Variants in ABCC4 observed in about 807,000 individuals in gnomAD.
ABCC4 encodes the protein ATP binding cassette subfamily C member 4 (PEL blood group).
Under a neutral mutation model 168.5 loss-of-function variants are expected in ABCC4, and 102 were observed. The observed-to-expected ratio is 0.61, with a 90% CI of 0.52 to 0.71. The LOEUF (loss-of-function observed/expected upper bound fraction) is 0.71. Among genes scored for constraint, ABCC4 ranks in the 30% least tolerant of loss-of-function variants. ABCC4 has a pLI of 0.00. For missense variants in ABCC4, 1,402 were observed against 1,605.8 expected, an observed-to-expected ratio of 0.87 and a Z score of 2.17; for synonymous variants, 617 against 590.7, an observed-to-expected ratio of 1.04 and a Z score of -0.65.
chr13:95,128,157 G>C (rs554319427), intron 19 of ABCC4, among the ~76,000 whole-genome samples: 1 of 152,090 alleles, frequency 6.6e-6, no homozygotes, highest in African/African-American at 2.4e-5. Context: ...AACTTAATCA[G>C]AATACACACT....
chr13:95,088,812 A>G (rs2034339022), intron 20 of ABCC4, among the ~76,000 whole-genome samples: 4 of 152,202 alleles, frequency 2.6e-5, no homozygotes, highest in African/African-American at 7.2e-5. Context: ...AATGAGTAGC[A>G]TATTAAATTA....
chr13:95,115,013 A>C (rs898528152), intron 20 of ABCC4, among the ~76,000 whole-genome samples: 5 of 152,224 alleles, frequency 3.3e-5, no homozygotes, highest in Non-Finnish European at 7.3e-5. Flanking sequence ...AGTGTTAGCA[A>C]CAGCAGCTGA....
intron 25 of ABCC4, among the ~76,000 whole-genome samples, chr13:95,069,249 C>T (rs139237273): frequency 1.4e-4 from 22 of 152,282 alleles, no homozygotes; most frequent in African/African-American, 5.3e-4. Flanking sequence ...GCATATCCCT[C>T]ACTCTCACAG....
intron 22 of ABCC4, among the ~76,000 whole-genome samples, chr13:95,074,756 G>A (rs1027148528): frequency 3.3e-5 from 5 of 152,098 alleles, no homozygotes; most frequent in Non-Finnish European, 4.4e-5. Context: ...ACTGACTATT[G>A]CTTAGGGGCT....
At chr13:95,219,865 T>C (rs2138709904) in intron 4 of ABCC4, among the ~76,000 whole-genome samples, 1 of 150,552 alleles carries the variant, frequency 6.6e-6, no homozygotes, top group South Asian at 2.1e-4. Flanking sequence ...TCTGCTTTTT[T>C]TTTCCCCCCG....
chr13:95,139,725 C>T (rs1218411559), intron 19 of ABCC4, among the ~76,000 whole-genome samples: 1 of 152,132 alleles, frequency 6.6e-6, no homozygotes, highest in African/African-American at 2.4e-5. Context: ...TTAACCATCC[C>T]AGAGTCATAT....
intron 1 of ABCC4, among the ~76,000 whole-genome samples, chr13:95,275,828 G>A (rs1455412718): frequency 6.6e-6 from 1 of 151,594 alleles, no homozygotes; most frequent in Non-Finnish European, 1.5e-5. Context: ...TAACCTTTAT[G>A]CCTGTTATTC....
At chr13:95,093,843 G>C (rs888289568) in intron 20 of ABCC4, among the ~76,000 whole-genome samples, 1 of 152,120 alleles carries the variant, frequency 6.6e-6, no homozygotes, top group African/African-American at 2.4e-5. Context: ...TAAGATTAAT[G>C]TACACAAATC....
chr13:95,247,053 C>T lies in ABCC4; in HGVS notation c.228G>A (p.Gln76=). The part of the protein sequence containing the change: ...KEVLRAENDA[Q]KPSLTRAIIK... ...TGATTGCTCTTGTTAAAGAAGGCTTCTGTGCGTCATTCTCAGCTCTTAAAA... is the reference window on the plus strand; with the variant it reads ...TGATTGCTCTTGTTAAAGAAGGCTTTTGTGCGTCATTCTCAGCTCTTAAAA... The change falls in exon 3 of 31, where the codon CAG becomes CAA. Residue 76 remains glutamine (Q), a synonymous_variant. Transcript: ENST00000645237. 2 of 1,613,456 alleles carry T rather than the reference C, an allele frequency of 1.2e-6. No individual in the cohort carries two copies. Among genetic ancestry groups the T allele is most frequent in the Non-Finnish European group, 1.7e-6 (2 of 1,179,388 alleles).
rs2041676313 is a variant in ABCC4 at position 95,301,308 on chromosome 13, G to A, written c.7C>T (p.Pro3Ser). 3.8e-6 allele frequency: 6 copies of A among 1,591,662 alleles called. No individual in the cohort carries two copies. Among genetic ancestry groups the A allele is most frequent in the Non-Finnish European group, 5.1e-6 (6 of 1,170,214 alleles). Residue 3 changes from proline (P) to serine (S), a missense_variant, in exon 1 of 31, where the codon CCC becomes TCC. This residue lies in a region of ABCC4 where 317 missense variants were observed against 345.5 expected (regional missense o/e 0.92). Transcript: ENST00000645237. Reference protein sequence around the residue: MLPVYQEVKPNPL... With the variant: MLSVYQEVKPNPL... ...TTGGGCTTCACCTCCTGGTACACGG[G>A]CAGCATCTTGCCGGGCGGGGCGGGC...
chr13:95,138,914 C>T (rs1182372005), intron 19 of ABCC4, among the ~76,000 whole-genome samples: 3 of 152,242 alleles, frequency 2.0e-5, no homozygotes, highest in Admixed American at 6.5e-5. Flanking sequence ...TTTCCCTTAC[C>T]TCCAGGGCTG....
intron 30 of ABCC4, among the ~76,000 whole-genome samples, chr13:95,022,227 G>A (rs2031131928): frequency 6.6e-6 from 1 of 152,164 alleles, no homozygotes; most frequent in Non-Finnish European, 1.5e-5. Flanking sequence ...GTGGTCTGTG[G>A]ATAGTGGCCC....
intron 19 of ABCC4, among the ~76,000 whole-genome samples, chr13:95,157,824 C>A (rs925027759): frequency 6.6e-5 from 10 of 151,966 alleles, no homozygotes; most frequent in African/African-American, 2.4e-4. Flanking sequence ...TAATCCCCAC[C>A]ACTTTGGGAG....
At chr13:95,171,048 C>T (rs190445593) in intron 13 of ABCC4, among the ~76,000 whole-genome samples, 3 of 149,876 alleles carry the variant, frequency 2.0e-5, no homozygotes, top group East Asian at 2.0e-4. Flanking sequence ...CACATATCAA[C>T]GCCCCCCCTC....
intron 1 of ABCC4, among the ~76,000 whole-genome samples, chr13:95,274,311 T>TGTC (rs1473152035): frequency 2.0e-5 from 3 of 152,166 alleles, no homozygotes; most frequent in Non-Finnish European, 4.4e-5. Flanking sequence ...GGGGAGAGAC[T>TGTC]GTCCTTCCCA....
At chr13:95,066,668 C>T (rs1235496493) in intron 25 of ABCC4, among the ~76,000 whole-genome samples, 3 of 152,260 alleles carry the variant, frequency 2.0e-5, no homozygotes, top group Admixed American at 6.5e-5. Context: ...AAAATCGAGG[C>T]TTAGTAAGAT....
chr13:95,163,529 C>T (rs1227910633), intron 17 of ABCC4, 81 bp downstream of exon 17: 3 of 1,268,650 alleles, frequency 2.4e-6, no homozygotes, highest in Non-Finnish European at 3.4e-6. Context: ...GATCAACAAA[C>T]ACCTCCCTCT....
intron 4 of ABCC4, among the ~76,000 whole-genome samples, chr13:95,211,689 C>T (rs980099418): frequency 6.6e-6 from 1 of 151,796 alleles, no homozygotes; most frequent in Non-Finnish European, 1.5e-5. Context: ...TGGAACAGTA[C>T]GTGTGGTTTT....
At chr13:95,064,250 GTGTGTGTGTGTATATATATATATA>G (rs1566384516) in intron 25 of ABCC4, among the ~76,000 whole-genome samples, 1 of 7,324 alleles carries the variant, frequency 1.4e-4, no homozygotes, top group Non-Finnish European at 2.3e-4. Flanking sequence ...ATCCGGGTGT[GTGTGTGTGTGTATATATATATATA>G]TATATATATA....
Sources: allele counts gnomAD v4.1 joint callset (sites outside exome capture counted in the v4.1 genomes callset), GRCh38; gene constraint gnomAD v4.1.1; regional missense constraint gnomAD v4.1.1; transcripts MANE v1.5; gene names NCBI Gene and HGNC (gene_info 2026-07-23, HGNC 2026-07-21).